Variants in TGFB2 observed in about 807,000 individuals in gnomAD.
The protein encoded by TGFB2 is transforming growth factor beta-2 proprotein.
A neutral mutation model predicts 42.7 loss-of-function variants in TGFB2; 13 were observed. That is an observed-to-expected ratio of 0.30 (90% CI 0.20 to 0.48). The LOEUF is 0.48. Ranked by LOEUF, TGFB2 falls within the 20% of genes least tolerant of loss-of-function variation. TGFB2 has a pLI of 0.99. For synonymous variants in TGFB2, 193 were observed against 193.6 expected (o/e 1.00, Z 0.03); for missense variants, 390 against 517.5 (o/e 0.75, Z 2.39).
chr1:218,373,871 T>C (rs1003521817), intron 1 of TGFB2, among the ~76,000 whole-genome samples: 4 of 152,210 alleles, frequency 2.6e-5, no homozygotes, highest in Non-Finnish European at 5.9e-5. Flanking sequence ...TTAAATGCAG[T>C]ATTTTTTTCC....
At position 218,434,159 on chromosome 1, in the gene TGFB2, C is replaced by T. The variant is rs192335285; in HGVS notation, c.588C>T (p.Gly196=). The T allele has an allele frequency of 1.3e-4, 216 of 1,614,170 alleles. 1 individual carries two copies. The highest frequency in any genetic ancestry group is 2.2e-5 in the East Asian group (1 of 44,886). The change falls in exon 3 of 7, where the codon GGC becomes GGT. Residue 196 remains glycine (G), a synonymous_variant. Coordinates refer to ENST00000366930, the MANE Select transcript of TGFB2 (RefSeq NM_003238.6). ...AAGTTGTGAAAACAAGAGCAGAAGG[C>T]GAATGGCTCTCCTTCGATGTAACTG... ...DSKVVKTRAE[G]EWLSFDVTDA...
chr1:218,346,690 C>CT lies in TGFB2; in HGVS notation c.-6dup. On this transcript the variant is annotated 5_prime_UTR_variant, in exon 1 of 7. Transcript: ENST00000366930. The surrounding 1 kb of genome is among the most constrained non-coding windows in gnomAD (Gnocchi z 4.9). Reference sequence around the variant, plus strand: ...CTTTTAAAAACAACTTTTTTTTCCACTTTTTTAAAAAATGCACTACTGTGT... The same window carrying CT: ...CTTTTAAAAACAACTTTTTTTTCCACTTTTTTTAAAAAATGCACTACTGTGT... The CT allele has an allele frequency of 1.3e-6, 2 of 1,563,828 alleles. No individual in the cohort carries two copies. The highest frequency in any genetic ancestry group is 1.2e-5 in the South Asian group (1 of 82,708).
chr1:218,419,762 T>C (rs1461065872), intron 2 of TGFB2, among the ~76,000 whole-genome samples: 2 of 152,218 alleles, frequency 1.3e-5, no homozygotes. Flanking sequence ...GAAATGTATA[T>C]AACTATGCAT....
intron 1 of TGFB2, chr1:218,363,409 G>T (rs1202605206): frequency 6.2e-7 from 1 of 1,613,508 alleles, no homozygotes; most frequent in Admixed American, 1.7e-5. Flanking sequence ...GTGCTCTGTG[G>T]GTACCTTGGT....
intron 2 of TGFB2, among the ~76,000 whole-genome samples, chr1:218,417,324 G>T (rs961809471): frequency 1.3e-5 from 2 of 152,188 alleles, no homozygotes; most frequent in African/African-American, 4.8e-5. Context: ...CTTTGTTTTA[G>T]CAGAGACAGA....
Position 218,394,592 on chromosome 1 carries a change from C to T in TGFB2, c.347-10577C>T, listed in dbSNP as rs565903679. ...GCTGATGCCGACACAATTAGACTCA[C>T]CATTGCCAACAGCTCGTCAAGTCTG... On this transcript the variant is annotated intron_variant, in intron 1 of 6. Transcript: ENST00000366930. 2.0e-5 allele frequency among the ~76,000 whole-genome samples: 3 copies of T among 152,226 alleles called. No homozygotes were observed. The South Asian group carries it at 6.2e-4, about 32-fold the overall frequency.
At chr1:218,406,401 A>G (rs1183081568) in intron 2 of TGFB2, among the ~76,000 whole-genome samples, 1 of 152,174 alleles carries the variant, frequency 6.6e-6, no homozygotes, top group African/African-American at 2.4e-5. Context: ...TTGCATCGGC[A>G]TCACCTGGGG....
chr1:218,375,680 C>T lies in TGFB2; in HGVS notation c.346+28633C>T, dbSNP rs561942540. Among the ~76,000 whole-genome samples the T allele has an allele frequency of 4.6e-5, 7 of 151,878 alleles. No individual in the cohort carries two copies. The East Asian group carries it at 1.4e-3, about 29-fold the overall frequency. On this transcript the variant is annotated intron_variant, in intron 1 of 6. Transcript: ENST00000366930. ...CAGCATACATTGAGAACAGCGAGTG[C>T]TTTTTTTTCAGTCTAGAAAAGAAGA...
At chr1:218,420,549 T>C (rs534032459) in intron 2 of TGFB2, among the ~76,000 whole-genome samples, 1 of 152,182 alleles carries the variant, frequency 6.6e-6, no homozygotes, top group Non-Finnish European at 1.5e-5. Context: ...TAAAGTTTTT[T>C]TTTTTAATGA....
At chr1:218,379,187 C>T (rs761603129) in intron 1 of TGFB2, among the ~76,000 whole-genome samples, 84 of 145,870 alleles carry the variant, frequency 5.8e-4, no homozygotes, top group Admixed American at 1.9e-3. Flanking sequence ...GGCTGGAGTG[C>T]AGTGGTGCGA....
Position 218,346,983 on chromosome 1 carries a change from C to T in TGFB2, c.282C>T (p.Ser94=). ...RRAAACERER[S]DEEYYAKEVY... ...CGGCCGCCTGCGAGCGCGAGAGGAG[C>T]GACGAAGAGTACTACGCCAAGGAGG... Residue 94 remains serine (S), a synonymous_variant, in exon 1 of 7, where the codon AGC becomes AGT. Coordinates refer to ENST00000366930, the MANE Select transcript of TGFB2 (RefSeq NM_003238.6). The surrounding 1 kb of genome is among the most constrained non-coding windows in gnomAD (Gnocchi z 4.9). 6.2e-7 allele frequency: 1 copy of T among 1,613,178 alleles called. No homozygotes were observed. The highest frequency in any genetic ancestry group is 8.5e-7 in the Non-Finnish European group (1 of 1,179,564).
intron 1 of TGFB2, among the ~76,000 whole-genome samples, chr1:218,373,229 G>T (rs1657628541): frequency 6.6e-6 from 1 of 152,150 alleles, no homozygotes; most frequent in South Asian, 2.1e-4. Flanking sequence ...TTGAGAACCT[G>T]TATTTTGGAG....
At chr1:218,401,289 G>A (rs1217764995) in intron 1 of TGFB2, among the ~76,000 whole-genome samples, 1 of 152,150 alleles carries the variant, frequency 6.6e-6, no homozygotes, top group African/African-American at 2.4e-5. Flanking sequence ...TTTGTATACT[G>A]TTACTTTGGA....
At chr1:218,428,647 G>T (rs1417762476) in intron 2 of TGFB2, among the ~76,000 whole-genome samples, 1 of 152,156 alleles carries the variant, frequency 6.6e-6, no homozygotes, top group Non-Finnish European at 1.5e-5. Context: ...GATGGTCGTA[G>T]ATGTGTGGTG....
At chr1:218,347,073 C>T (rs780473012) in intron 1 of TGFB2, 26 bp downstream of exon 1, 2 of 1,547,922 alleles carry the variant, frequency 1.3e-6, no homozygotes, top group African/African-American at 1.4e-5. Flanking sequence ...GACTTCCATC[C>T]CCTGAGGTTT....
rs372544788 is a variant in TGFB2, at chr1:218,433,659, TG to T, written c.511-420del. Among the ~76,000 whole-genome samples, 127 of 152,334 alleles carry T rather than the reference TG, an allele frequency of 8.3e-4. 1 individual carries two copies. In the East Asian group the frequency reaches 0.01, roughly 12 times the overall value. ...AATTCAGGGCCTTTGAGAGTGAGCC[TG>T]GGTCCTCTGAACTGGACTTCTCCTC... On this transcript the variant is annotated intron_variant, in intron 2 of 6. Transcript: ENST00000366930.
chr1:218,406,441 C>T (rs1016334881), intron 2 of TGFB2, among the ~76,000 whole-genome samples: 2 of 152,138 alleles, frequency 1.3e-5, no homozygotes, highest in African/African-American at 2.4e-5. Context: ...TCAGGCCCCA[C>T]CCTAGACTTT....
chr1:218,363,263 T>C, intron 1 of TGFB2: 1 of 1,303,176 alleles, frequency 7.7e-7, no homozygotes, highest in South Asian at 1.2e-5. Flanking sequence ...CTACTTTGAA[T>C]CTTTGTATAG....
At chr1:218,379,138 T>C (rs1571851874) in intron 1 of TGFB2, among the ~76,000 whole-genome samples, 2 of 150,052 alleles carry the variant, frequency 1.3e-5, no homozygotes, top group African/African-American at 4.9e-5. Flanking sequence ...TTCTTTTTTT[T>C]TTTTCTTTTT....
Sources: gnomAD v4.1 joint callset for allele counts (sites outside exome capture counted in the v4.1 genomes callset) on GRCh38, gnomAD v4.1.1 for gene constraint, Gnocchi (gnomAD v3.1) non-coding constraint, MANE v1.5 for transcripts, NCBI Gene and HGNC (gene_info 2026-07-23, HGNC 2026-07-21) for gene names.